ARHGEF10L: variants seen among roughly 807,000 people sequenced by gnomAD.
ARHGEF10L encodes the protein Rho guanine nucleotide exchange factor 10 like.
ARHGEF10L carries 69 observed loss-of-function variants against 141.2 expected under a neutral mutation model. The ratio of observed to expected loss-of-function variants is 0.49; its 90% CI spans 0.40 to 0.60. The LOEUF (loss-of-function observed/expected upper bound fraction) is 0.60. Ranked by LOEUF, ARHGEF10L falls within the 20% of genes least tolerant of loss-of-function variation. ARHGEF10L has a pLI of 0.00. For synonymous variants in ARHGEF10L, 711 were observed against 718.5 expected (o/e 0.99, Z 0.17); for missense variants, 1,482 against 1,734.3 (o/e 0.85, Z 2.58).
chr1:17,577,301 C>T (rs558630312), intron 1 of ARHGEF10L, among the ~76,000 whole-genome samples: 2 of 152,354 alleles, frequency 1.3e-5, no homozygotes, highest in East Asian at 3.9e-4. Context: ...CTGCCCCGGC[C>T]TCCCAAAGTG....
chr1:17,598,903 T>C (rs2080367572), intron 4 of ARHGEF10L, among the ~76,000 whole-genome samples: 1 of 151,988 alleles, frequency 6.6e-6, no homozygotes, highest in Non-Finnish European at 1.5e-5. Context: ...GTTGAAACAA[T>C]AGAAGCTTTG....
In ARHGEF10L at chr1:17,603,359, G is replaced by A. The variant is rs1456234845; in HGVS notation, c.350-149G>A. 2.2e-5 allele frequency: 12 copies of A among 556,716 alleles called. No homozygotes were observed. In the South Asian group the frequency reaches 3.3e-4, roughly 15 times the overall value. The allele number at this position is 556,716 out of a possible 1,614,324, so 34.5% of individuals were successfully genotyped here. A position where few individuals can be genotyped will look rare whatever the true frequency, so the allele number is the denominator to read the frequency against. On this transcript the variant is annotated intron_variant, in intron 5 of 28. Transcript: ENST00000361221. The surrounding 1 kb of genome is among the most constrained non-coding windows in gnomAD (Gnocchi z 4.8). Reference sequence around the variant, plus strand: ...GCGAGGGAGCCGGCATCCCCTGAGGGCAGCTGGCGGAGCTAAGGGCTGGGC... The same window carrying A: ...GCGAGGGAGCCGGCATCCCCTGAGGACAGCTGGCGGAGCTAAGGGCTGGGC...
chr1:17,615,191 T>C lies in ARHGEF10L; in HGVS notation c.727-903T>C, dbSNP rs1342744117. ...GGACAGGGCAGATACAGAGTGTTTC[T>C]GTCATTGCAGAGCCTTCTCTTTGCT... is the stretch of plus-strand genomic sequence containing the variant. On this transcript the variant is annotated intron_variant, in intron 8 of 28. Transcript: ENST00000361221. The surrounding 1 kb of genome is among the most constrained non-coding windows in gnomAD (Gnocchi z 4.7). 6.6e-6 allele frequency: 1 copy of C among 152,278 alleles called. No homozygotes were observed. The highest frequency in any genetic ancestry group is 1.5e-5 in the Non-Finnish European group (1 of 68,072). 9.4% of individuals were successfully genotyped at this position (152,278 alleles called of 1,614,324 possible). A position where few individuals can be genotyped will look rare whatever the true frequency, so the allele number is the denominator to read the frequency against.
At chr1:17,660,576 C>T (rs539858572) in intron 25 of ARHGEF10L, among the ~76,000 whole-genome samples, 81 of 152,242 alleles carry the variant, frequency 5.3e-4, no homozygotes, top group African/African-American at 1.6e-3. Flanking sequence ...CCCTCTCAGC[C>T]GTGATGACTT....
At chr1:17,580,921 CA>C (rs1369164841) in intron 2 of ARHGEF10L, among the ~76,000 whole-genome samples, 1 of 152,126 alleles carries the variant, frequency 6.6e-6, no homozygotes, top group East Asian at 1.9e-4. Context: ...GCTTATAAAT[CA>C]GGGGTGAGGA....
chr1:17,623,000 A>T lies in ARHGEF10L; in HGVS notation c.1025A>T (p.Tyr342Phe). 6.2e-7 allele frequency: 1 copy of T among 1,612,310 alleles called. No individual in the cohort carries two copies. The highest frequency in any genetic ancestry group is 8.5e-7 in the Non-Finnish European group (1 of 1,179,612). Residue 342 changes from tyrosine to phenylalanine, a missense_variant, in exon 12 of 29, where the codon TAC (tyrosine) becomes TTC (phenylalanine). Transcript: ENST00000361221. The part of the protein sequence containing the change: ...VESLKRILQD[Y>F]RNPLMEMEPK... ...TCACCCCGCCCTCCCCGGCAGGACT[A>T]CCGCAACCCCCTGATGGAGATGGAG...
At chr1:17,599,594 G>A (rs566599798) in intron 4 of ARHGEF10L, among the ~76,000 whole-genome samples, 74 of 152,222 alleles carry the variant, frequency 4.9e-4, no homozygotes, top group African/African-American at 1.7e-3. Context: ...GCGGCTCAGC[G>A]AAGCAGCTGT....
intron 1 of ARHGEF10L, among the ~76,000 whole-genome samples, chr1:17,556,688 C>T (rs2077341273): frequency 6.6e-6 from 1 of 152,158 alleles, no homozygotes; most frequent in Admixed American, 6.5e-5. Flanking sequence ...CAGGGTCACC[C>T]AGACAAGCCT....
chr1:17,526,649 A>G, the ARHGEF10L span, among the ~76,000 whole-genome samples: 2 of 152,168 alleles, frequency 1.3e-5, no homozygotes, highest in Admixed American at 1.3e-4. Context: ...CACACCTGTA[A>G]TCCCAGCACT....
intron 26 of ARHGEF10L, among the ~76,000 whole-genome samples, chr1:17,678,963 T>C (rs945500414): frequency 2.0e-5 from 3 of 152,238 alleles, no homozygotes; most frequent in Non-Finnish European, 4.4e-5. Context: ...TAGTTAACGA[T>C]CTTTCTAGAA....
In ARHGEF10L at chr1:17,639,546, C is replaced by T. The variant is rs1485363603; in HGVS notation, c.2172-656C>T. On this transcript the variant is annotated intron_variant, in intron 20 of 28. Coordinates refer to ENST00000361221, the MANE Select transcript of ARHGEF10L (RefSeq NM_018125.4). The surrounding 1 kb of genome is among the most constrained non-coding windows in gnomAD (Gnocchi z 4.3). Reference sequence around the variant, plus strand: ...TCCCTGTTGAGTGGCCTGTCCGTCTCCCTTCCTCCATCTCCCTTCTCTCTG... The same window carrying T: ...TCCCTGTTGAGTGGCCTGTCCGTCTTCCTTCCTCCATCTCCCTTCTCTCTG... Among the ~76,000 whole-genome samples, 1 of 152,052 alleles carries T rather than the reference C, an allele frequency of 6.6e-6. No individual in the cohort carries two copies. The highest frequency in any genetic ancestry group is 1.5e-5 in the Non-Finnish European group (1 of 68,002).
chr1:17,591,703 C>T (rs781036020), intron 4 of ARHGEF10L, among the ~76,000 whole-genome samples: 12 of 151,872 alleles, frequency 7.9e-5, no homozygotes, highest in Non-Finnish European at 1.5e-4. Context: ...TGAGCCACCG[C>T]GCCTGGCCTA....
intron 1 of ARHGEF10L, among the ~76,000 whole-genome samples, chr1:17,579,561 C>T (rs532628755): frequency 6.6e-6 from 1 of 152,304 alleles, no homozygotes; most frequent in East Asian, 1.9e-4. Context: ...TCTGAGGTAT[C>T]GTTGGCAATG....
chr1:17,684,986 A>G (rs187519446), intron 26 of ARHGEF10L, among the ~76,000 whole-genome samples: 82 of 152,218 alleles, frequency 5.4e-4, no homozygotes, highest in Non-Finnish European at 9.9e-4. Context: ...CTGATCAGGA[A>G]TGAGCCCGGA....
rs2080876749 is a variant in ARHGEF10L, at chr1:17,603,399, G to A, written c.350-109G>A. On this transcript the variant is annotated intron_variant, in intron 5 of 28. Transcript: ENST00000361221. The surrounding 1 kb of genome is among the most constrained non-coding windows in gnomAD (Gnocchi z 4.8). Reference sequence around the variant, plus strand: ...AAGGGCTGGGCTGGGCTATCAGAAAGGAGGGTGCTGCGTGCCACCAGCTGG... The same window carrying A: ...AAGGGCTGGGCTGGGCTATCAGAAAAGAGGGTGCTGCGTGCCACCAGCTGG... The A allele has an allele frequency of 1.3e-6, 1 of 768,856 alleles. No individual in the cohort carries two copies. The highest frequency in any genetic ancestry group is 2.0e-5 in the South Asian group (1 of 49,228). The allele number at this position is 768,856 out of a possible 1,614,324, so 47.6% of individuals were successfully genotyped here.
intron 26 of ARHGEF10L, among the ~76,000 whole-genome samples, chr1:17,675,549 G>GTGTGCGTGCAGA (rs1553237762): frequency 6.6e-6 from 1 of 151,806 alleles, no homozygotes; most frequent in African/African-American, 2.4e-5. Context: ...ATGGGTGCAG[G>GTGTGCGTGCAGA]TGTGCGTGCA....
rs1557915698 is a variant in ARHGEF10L at position 17,645,000 on chromosome 1, GC to G, written c.2273-3551del. Among the ~76,000 whole-genome samples, 1 of 152,156 alleles carries G rather than the reference GC, an allele frequency of 6.6e-6. No individual in the cohort carries two copies. Among genetic ancestry groups the G allele is most frequent in the African/African-American group, 2.4e-5 (1 of 41,434 alleles). The stretch of plus-strand genomic sequence containing the variant: ...TGAGTTGGAGACTGAGGTGGGATCT[GC>G]CCGGGCCCTTCTAGCAGATCAGAGG... On this transcript the variant is annotated intron_variant, in intron 21 of 28. Transcript: ENST00000361221. This position sits in a 1 kb window ranked among gnomAD's most constrained non-coding sequence, Gnocchi z 4.5.
At chr1:17,571,656 C>A (rs2078006123) in intron 1 of ARHGEF10L, among the ~76,000 whole-genome samples, 1 of 152,132 alleles carries the variant, frequency 6.6e-6, no homozygotes. Flanking sequence ...GCCTCAGCCT[C>A]CCGAGTAACT....
rs376261303 is a variant in ARHGEF10L at position 17,656,405 on chromosome 1, A to G, written c.2706-149A>G. The stretch of plus-strand genomic sequence containing the variant: ...AAACCATGGAAAAGTGAGCTCCCGC[A>G]TGGTGGAGCTATGGCCTGGCCACAC... On this transcript the variant is annotated intron_variant, in intron 24 of 28. Transcript: ENST00000361221. This position sits in a 1 kb window ranked among gnomAD's most constrained non-coding sequence, Gnocchi z 4.9. The G allele has an allele frequency of 6.1e-6, 6 of 988,216 alleles. No homozygotes were observed. The highest frequency in any genetic ancestry group is 4.9e-5 in the East Asian group (2 of 41,128). 61.2% of individuals were successfully genotyped at this position (988,216 alleles called of 1,614,324 possible).
Sources: gnomAD v4.1 joint callset for allele counts (sites outside exome capture counted in the v4.1 genomes callset) on GRCh38, gnomAD v4.1.1 for gene constraint, Gnocchi (gnomAD v3.1) non-coding constraint, MANE v1.5 for transcripts, NCBI Gene and HGNC (gene_info 2026-07-23, HGNC 2026-07-21) for gene names.